Variants in TRIM37 observed in about 807,000 individuals in gnomAD.
The protein encoded by TRIM37 is E3 ubiquitin-protein ligase TRIM37.
TRIM37 carries 80 observed loss-of-function variants against 129.8 expected under a neutral mutation model. The ratio of observed to expected loss-of-function variants is 0.62; its 90% CI spans 0.51 to 0.74. TRIM37 has a LOEUF of 0.74. Ranked by LOEUF, TRIM37 falls within the 30% of genes least tolerant of loss-of-function variation. TRIM37 has a pLI of 0.00. For synonymous variants in TRIM37, 389 were observed against 387.1 expected (o/e 1.00, Z -0.06); for missense variants, 1,054 against 1,176.5 (o/e 0.90, Z 1.52).
intron 2 of TRIM37, among the ~76,000 whole-genome samples, chr17:59,095,423 G>A (rs982066620): frequency 2.0e-5 from 3 of 152,142 alleles, no homozygotes; most frequent in Non-Finnish European, 4.4e-5. Flanking sequence ...GTAGTGTGGA[G>A]GGAGCTAAAG....
At position 59,062,566 on chromosome 17, in the gene TRIM37, C is replaced by T. The variant is rs1183132996; in HGVS notation, c.942+1G>A. 6.2e-7 allele frequency: 1 copy of T among 1,612,944 alleles called. No individual in the cohort carries two copies. The highest frequency in any genetic ancestry group is 1.7e-5 in the Admixed American group (1 of 59,968). On this transcript the variant is annotated splice_donor_variant, in intron 11 of 23. Transcript: ENST00000262294. LOFTEE classifies it high-confidence loss of function. Reference sequence around the variant, plus strand: ...ATTTATTAGAAATATGAAAAACTTACTGGGTAAACTTTTAACCTCCAGCAA... The same window carrying T: ...ATTTATTAGAAATATGAAAAACTTATTGGGTAAACTTTTAACCTCCAGCAA...
chr17:58,998,550 C>G lies in TRIM37; in HGVS notation c.*827G>C, dbSNP rs2033252194. 4.1e-6 allele frequency: 4 copies of G among 985,278 alleles called. No homozygotes were observed. In the South Asian group the frequency reaches 1.4e-4, roughly 35 times the overall value. 61.0% of individuals were successfully genotyped at this position (985,278 alleles called of 1,614,324 possible). ...AAGCCACTGTGCAACATGAATGAAT[C>G]TTTAAATGTGTTGACACTGAAATCA... On this transcript the variant is annotated 3_prime_UTR_variant, in exon 24 of 24. Coordinates refer to ENST00000262294, the MANE Select transcript of TRIM37 (RefSeq NM_015294.6).
At chr17:59,005,311 TCTCA>T (rs1253503070) in intron 22 of TRIM37, among the ~76,000 whole-genome samples, 1 of 152,094 alleles carries the variant, frequency 6.6e-6, no homozygotes, top group Non-Finnish European at 1.5e-5. Flanking sequence ...TGAGACGGCG[TCTCA>T]CTCTGTCACC....
At chr17:59,005,643 T>G (rs1330154128) in intron 22 of TRIM37, among the ~76,000 whole-genome samples, 1 of 152,156 alleles carries the variant, frequency 6.6e-6, no homozygotes, top group Non-Finnish European at 1.5e-5. Flanking sequence ...AGGCCTATAG[T>G]GAATATTCAA....
chr17:58,973,017 T>A, the TRIM37 span: 12 of 783,956 alleles, frequency 1.5e-5, no homozygotes, highest in Non-Finnish European at 2.5e-5. Flanking sequence ...AGATGATAAT[T>A]TATGTTACCA....
intron 3 of TRIM37, among the ~76,000 whole-genome samples, chr17:59,090,756 G>C (rs1055974082): frequency 3.9e-5 from 6 of 152,082 alleles, no homozygotes; most frequent in African/African-American, 1.4e-4. Context: ...CTCCTGAGTA[G>C]CTGGGACTAT....
chr17:58,985,685 C>T (rs1306224182), intron 24 of TRIM37, among the ~76,000 whole-genome samples: 1 of 152,168 alleles, frequency 6.6e-6, no homozygotes, highest in Admixed American at 6.5e-5. Context: ...ACACCTGCAT[C>T]TGAAGGGAGG....
chr17:59,035,207 G>A (rs972029992), intron 17 of TRIM37, among the ~76,000 whole-genome samples: 1 of 151,910 alleles, frequency 6.6e-6, no homozygotes, highest in African/African-American at 2.4e-5. Context: ...TTACAAGCGT[G>A]CGCCATTGCA....
At chr17:59,101,563 A>C (rs2045472155) in intron 2 of TRIM37, among the ~76,000 whole-genome samples, 2 of 149,270 alleles carry the variant, frequency 1.3e-5, no homozygotes, top group African/African-American at 4.9e-5. Flanking sequence ...TCATGCCTGT[A>C]ATCCCAGCAC....
At chr17:59,104,565 G>A in intron 1 of TRIM37, 171 bp from the exon 2 acceptor site, 1 of 770,764 alleles carries the variant, frequency 1.3e-6, no homozygotes. Flanking sequence ...AAAACATCTG[G>A]AAAATGTACT....
intron 17 of TRIM37, among the ~76,000 whole-genome samples, chr17:59,037,891 G>C (rs2038730758): frequency 6.6e-6 from 1 of 152,016 alleles, no homozygotes; most frequent in African/African-American, 2.4e-5. Flanking sequence ...CAGTCTCTCA[G>C]ACTTTCCTTA....
chr17:58,979,310 T>C (rs540990227), downstream of TRIM37, among the ~76,000 whole-genome samples: 6 of 152,176 alleles, frequency 3.9e-5, no homozygotes, highest in Non-Finnish European at 5.9e-5. Flanking sequence ...CACTAAAAAA[T>C]AGAAAGCCAA....
chr17:58,978,713 A>T (rs2031177425), downstream of TRIM37, among the ~76,000 whole-genome samples: 1 of 152,162 alleles, frequency 6.6e-6, no homozygotes, highest in Non-Finnish European at 1.5e-5. Flanking sequence ...AATAAAAATA[A>T]AAAAGTGAAT....
chr17:59,106,259 C>T (rs988589504), intron 1 of TRIM37, among the ~76,000 whole-genome samples, 182 bp downstream of exon 1: 2 of 152,226 alleles, frequency 1.3e-5, no homozygotes, highest in East Asian at 3.8e-4. Flanking sequence ...ACAGTGAGCA[C>T]AAGACACCCG....
chr17:59,012,250 A>ACCC (rs1555639680), intron 22 of TRIM37, 78 bp downstream of exon 22: 11 of 833,764 alleles, frequency 1.3e-5, no homozygotes, highest in Non-Finnish European at 1.8e-5. Flanking sequence ...CACCACCACC[A>ACCC]CCACCACCCA....
At chr17:58,976,493 T>C in the TRIM37 span, among the ~76,000 whole-genome samples, 1 of 152,154 alleles carries the variant, frequency 6.6e-6, no homozygotes, top group African/African-American at 2.4e-5. Flanking sequence ...TGGGCAGAGT[T>C]CAGCTCTACT....
downstream of TRIM37, chr17:58,980,312 G>A: frequency 3.1e-6 from 5 of 1,614,146 alleles, no homozygotes; most frequent in Non-Finnish European, 4.2e-6. This position sits in a 1 kb window ranked among gnomAD's most constrained non-coding sequence, Gnocchi z 4.7. Flanking sequence ...AGATGGTGGG[G>A]ATGATAAGGA....
At chr17:59,089,905 G>A (rs2044136277) in intron 3 of TRIM37, 1 of 152,074 alleles carries the variant, frequency 6.6e-6, no homozygotes, top group Admixed American at 6.6e-5. Flanking sequence ...GTCGAGACCA[G>A]TTTGGCCAAC....
Position 59,081,179 on chromosome 17 carries a change from T to G in TRIM37, c.410A>C (p.Glu137Ala). 6.2e-7 allele frequency: 1 copy of G among 1,613,982 alleles called. No homozygotes were observed. The highest frequency in any genetic ancestry group is 8.5e-7 in the Non-Finnish European group (1 of 1,179,930). ...HTFKPLAEIYEQHVTKVNEEV... is the reference protein window; with the variant it reads ...HTFKPLAEIYAQHVTKVNEEV... ...TTCATTCACTTTAGTGACGTGTTGC[T>G]CATAAATTTCTGCCAAAGGTTTAAA... Residue 137 changes from glutamate to alanine, a missense_variant, in exon 6 of 24, where the codon GAG (glutamate) becomes GCG (alanine). Glu to Ala is a moderately radical substitution (Grantham distance 107). Transcript: ENST00000262294.
Sources: allele counts gnomAD v4.1 joint callset (sites outside exome capture counted in the v4.1 genomes callset), GRCh38; gene constraint gnomAD v4.1.1; non-coding constraint Gnocchi (gnomAD v3.1); transcripts MANE v1.5; gene names NCBI Gene and HGNC (gene_info 2026-07-23, HGNC 2026-07-21).